The following PACRG variants were observed in gnomAD, a reference collection of about 807,000 sequenced individuals.
PACRG encodes the protein parkin coregulated, also known as parkin coregulated gene protein.
Under a neutral mutation model 29.7 loss-of-function variants are expected in PACRG, and 29 were observed. That is an observed-to-expected ratio of 0.98 (90% CI 0.73 to 1.33). The LOEUF is 1.33. Among genes scored for constraint, PACRG ranks in the 40% most tolerant of loss-of-function variants. The probability of loss-of-function intolerance (pLI) is 0.00; values close to 1 mark genes in which losing one functional copy is unlikely to be tolerated. For missense variants in PACRG, 279 were observed against 316.2 expected (o/e 0.88, Z 0.89); for synonymous variants, 116 against 118.7 (o/e 0.98, Z 0.15).
chr6:163,062,440 A>T, intron 3 of PACRG, 119 bp downstream of exon 3: 2 of 1,210,818 alleles, frequency 1.7e-6, no homozygotes, highest in Non-Finnish European at 2.2e-6. Flanking sequence ...AGGAATTTTC[A>T]TAAATTGACT....
intron 4 of PACRG, among the ~76,000 whole-genome samples, chr6:163,212,866 C>T (rs186709819): frequency 1.3e-5 from 2 of 151,864 alleles, no homozygotes; most frequent in African/African-American, 4.8e-5. Flanking sequence ...GCAAGCTATG[C>T]CTCCCAGGTT....
intron 1 of PACRG, among the ~76,000 whole-genome samples, chr6:162,746,048 T>TA (rs939164517): frequency 1.3e-5 from 2 of 152,156 alleles, no homozygotes; most frequent in East Asian, 1.9e-4. Context: ...AGTAATACTA[T>TA]AAAAAAATTA....
At chr6:163,120,571 G>A (rs1223278283) in intron 4 of PACRG, among the ~76,000 whole-genome samples, 2 of 152,126 alleles carry the variant, frequency 1.3e-5, no homozygotes, top group Admixed American at 1.3e-4. Flanking sequence ...TACCGCAGAG[G>A]TAGATATTCA....
At chr6:163,233,034 A>G (rs1782106549) in intron 4 of PACRG, among the ~76,000 whole-genome samples, 1 of 152,186 alleles carries the variant, frequency 6.6e-6, no homozygotes, top group African/African-American at 2.4e-5. Flanking sequence ...TGGGGAGGAG[A>G]TGGTCTCAGC....
At chr6:162,850,910 G>C (rs546969634) in intron 2 of PACRG, among the ~76,000 whole-genome samples, 1 of 152,158 alleles carries the variant, frequency 6.6e-6, no homozygotes, top group Non-Finnish European at 1.5e-5. Context: ...ACAGTCTTGC[G>C]GGCCTGAGCC....
At chr6:163,245,310 A>G (rs372819933) in intron 4 of PACRG, 1 of 210,858 alleles carries the variant, frequency 4.7e-6, no homozygotes. Flanking sequence ...AAACTATGCC[A>G]TTTTCAGAGA....
In PACRG at chr6:162,904,911, C is replaced by A. The variant is rs528563717; in HGVS notation, c.291+90630C>A. Among the ~76,000 whole-genome samples the A allele has an allele frequency of 5.9e-5, 9 of 152,196 alleles. No homozygotes were observed. The South Asian group carries it at 6.2e-4, about 11-fold the overall frequency. On this transcript the variant is annotated intron_variant, in intron 2 of 4. Coordinates refer to ENST00000366888, the MANE Select transcript of PACRG (RefSeq NM_001080379.2). ...TTGAGGAAATGCATTTGTGATGCAA[C>A]CCCCGAAGGTGAGGATGAGTTAGCT...
intron 2 of PACRG, among the ~76,000 whole-genome samples, chr6:162,893,672 A>G (rs1794955930): frequency 6.6e-6 from 1 of 152,320 alleles, no homozygotes; most frequent in Non-Finnish European, 1.5e-5. Context: ...TTCTCTTGAG[A>G]ATGGAAGTCG....
At chr6:163,254,388 C>T (rs1477236739) in intron 4 of PACRG, among the ~76,000 whole-genome samples, 1 of 152,142 alleles carries the variant, frequency 6.6e-6, no homozygotes, top group Non-Finnish European at 1.5e-5. Flanking sequence ...CAATAAAAAA[C>T]ATGAGGCCCC....
intron 3 of PACRG, among the ~76,000 whole-genome samples, chr6:163,074,343 T>A (rs1329609546): frequency 1.3e-5 from 2 of 152,202 alleles, no homozygotes; most frequent in Admixed American, 1.3e-4. Flanking sequence ...ACTTCACATG[T>A]TCTTACTTAT....
intron 2 of PACRG, among the ~76,000 whole-genome samples, chr6:163,004,887 C>G (rs1329491126): frequency 6.6e-6 from 1 of 152,040 alleles, no homozygotes; most frequent in Non-Finnish European, 1.5e-5. Context: ...CTACCATTTA[C>G]TAACTACAAG....
intron 2 of PACRG, among the ~76,000 whole-genome samples, chr6:163,035,286 G>C: frequency 6.6e-6 from 1 of 152,166 alleles, no homozygotes; most frequent in South Asian, 2.1e-4. Context: ...GCTGTGGCAG[G>C]TAGATCACCT....
At chr6:163,288,590 C>T (rs144817927) in intron 4 of PACRG, among the ~76,000 whole-genome samples, 1 of 152,310 alleles carries the variant, frequency 6.6e-6, no homozygotes, top group Non-Finnish European at 1.5e-5. Flanking sequence ...AACTAAAAAT[C>T]CCATGTTGCC....
At chr6:163,062,454 G>T in intron 3 of PACRG, 133 bp downstream of exon 3, 2 of 1,075,536 alleles carry the variant, frequency 1.9e-6, no homozygotes, top group Non-Finnish European at 2.6e-6. Flanking sequence ...ATTGACTTAG[G>T]AGGCCAGACA....
intron 2 of PACRG, among the ~76,000 whole-genome samples, chr6:162,890,026 A>G (rs1483239602): frequency 2.0e-5 from 3 of 152,272 alleles, no homozygotes; most frequent in Non-Finnish European, 2.9e-5. Flanking sequence ...ACATCTGGAA[A>G]ATTGGCAGGT....
At chr6:163,030,945 C>T (rs529756083) in intron 2 of PACRG, among the ~76,000 whole-genome samples, 1 of 152,186 alleles carries the variant, frequency 6.6e-6, no homozygotes, top group Non-Finnish European at 1.5e-5. Flanking sequence ...CCTCCTATCT[C>T]ATCCTGTGAC....
chr6:163,251,050 A>G (rs1432608729), intron 4 of PACRG, among the ~76,000 whole-genome samples: 1 of 151,932 alleles, frequency 6.6e-6, no homozygotes, highest in Non-Finnish European at 1.5e-5. Flanking sequence ...GATACATGGG[A>G]GCTAAGCTAT....
At chr6:163,170,604 A>G (rs1562948425) in intron 4 of PACRG, 1 of 152,074 alleles carries the variant, frequency 6.6e-6, no homozygotes, top group East Asian at 1.9e-4. Context: ...TTTATTCTAA[A>G]TCTTATGGTA....
intron 2 of PACRG, among the ~76,000 whole-genome samples, chr6:162,969,244 A>G (rs1322241017): frequency 6.6e-6 from 1 of 152,056 alleles, no homozygotes; most frequent in African/African-American, 2.4e-5. Flanking sequence ...CTCAGGTTCA[A>G]GACAGAAAAC....
Sources: gnomAD v4.1 joint callset for allele counts (sites outside exome capture counted in the v4.1 genomes callset) on GRCh38, gnomAD v4.1.1 for gene constraint, MANE v1.5 for transcripts, NCBI Gene and HGNC (gene_info 2026-07-23, HGNC 2026-07-21) for gene names.